Variants in SORCS1 observed in about 807,000 individuals in gnomAD.
SORCS1 encodes the protein sortilin related VPS10 domain containing receptor 1, also known as VPS10 domain-containing receptor SorCS1.
In SORCS1, 60 loss-of-function variants were observed where a neutral mutation model predicts 146.1. The observed-to-expected ratio is 0.41, with a 90% CI of 0.33 to 0.51. The LOEUF is 0.51. SORCS1 is among the 20% of genes least tolerant of loss of function. SORCS1 has a pLI of 0.21. For synonymous variants in SORCS1, 637 were observed against 584.0 expected (o/e 1.09, Z -1.31); for missense variants, 1,352 against 1,487.6 (o/e 0.91, Z 1.50).
intron 23 of SORCS1, among the ~76,000 whole-genome samples, chr10:106,604,587 C>A (rs75436884): frequency 6.6e-6 from 1 of 152,182 alleles, no homozygotes; most frequent in South Asian, 2.1e-4. Context: ...TAGCTTGGTA[C>A]CTTACTTTCT....
intron 2 of SORCS1, among the ~76,000 whole-genome samples, chr10:106,860,068 C>A (rs1194813008): frequency 1.3e-5 from 2 of 152,180 alleles, no homozygotes; most frequent in Non-Finnish European, 2.9e-5. Context: ...AACTTCAGGG[C>A]TTCCAGCTGA....
intron 1 of SORCS1, among the ~76,000 whole-genome samples, chr10:107,073,110 T>C (rs1962580015): frequency 6.6e-6 from 1 of 152,238 alleles, no homozygotes; most frequent in African/African-American, 2.4e-5. Flanking sequence ...TTCAATTGCA[T>C]ACAGCACAGA....
At chr10:106,838,020 T>C (rs1430662888) in intron 2 of SORCS1, among the ~76,000 whole-genome samples, 1 of 152,214 alleles carries the variant, frequency 6.6e-6, no homozygotes, top group Non-Finnish European at 1.5e-5. Flanking sequence ...ACAGATGTCT[T>C]CCTAGCACTC....
intron 1 of SORCS1, among the ~76,000 whole-genome samples, chr10:107,051,290 T>C (rs1960091361): frequency 6.6e-6 from 1 of 152,102 alleles, no homozygotes; most frequent in Admixed American, 6.6e-5. Flanking sequence ...TTCAGATCTT[T>C]CCAAGGAGCT....
intron 20 of SORCS1, among the ~76,000 whole-genome samples, chr10:106,619,743 C>T (rs1239183018): frequency 3.3e-5 from 5 of 152,176 alleles, no homozygotes; most frequent in African/African-American, 1.2e-4. Flanking sequence ...CCAGCTGCAC[C>T]ACCCTCACTT....
chr10:106,973,894 C>T (rs1199169200), intron 1 of SORCS1, among the ~76,000 whole-genome samples: 2 of 152,144 alleles, frequency 1.3e-5, no homozygotes, highest in African/African-American at 4.8e-5. Flanking sequence ...AGGAAAGATA[C>T]CACTTGGCAG....
At chr10:106,789,878 C>T (rs148373519) in intron 3 of SORCS1, among the ~76,000 whole-genome samples, 100 of 152,320 alleles carry the variant, frequency 6.6e-4, no homozygotes, top group African/African-American at 2.2e-3. Flanking sequence ...CACAGTTCTG[C>T]GTGGCTGGGG....
chr10:106,821,074 A>C (rs1046345545), intron 3 of SORCS1, among the ~76,000 whole-genome samples: 2 of 152,216 alleles, frequency 1.3e-5, no homozygotes, highest in African/African-American at 4.8e-5. Context: ...TTGCGCAGAT[A>C]GTCTATTATG....
At chr10:107,172,859 C>A in the SORCS1 span, among the ~76,000 whole-genome samples, 2 of 152,146 alleles carry the variant, frequency 1.3e-5, no homozygotes, top group Non-Finnish European at 2.9e-5. Flanking sequence ...TGTTTTCTAA[C>A]CTATTGCTAT....
intron 24 of SORCS1, among the ~76,000 whole-genome samples, chr10:106,581,457 A>G (rs1844908141): frequency 6.6e-6 from 1 of 152,202 alleles, no homozygotes. Flanking sequence ...CAAATTAACA[A>G]GGAGCACAAG....
intron 3 of SORCS1, among the ~76,000 whole-genome samples, chr10:106,801,875 G>C (rs1308421321): frequency 6.6e-6 from 1 of 152,140 alleles, no homozygotes; most frequent in East Asian, 1.9e-4. Flanking sequence ...GCACAAAAAA[G>C]TTTCATGACT....
chr10:106,607,192 T>G lies in SORCS1; in HGVS notation c.3139A>C (p.Lys1047Gln), dbSNP rs144896133. The G allele has an allele frequency of 3.8e-5, 62 of 1,614,006 alleles. No individual in the cohort carries two copies. Among genetic ancestry groups the G allele is most frequent in the African/African-American group, 6.7e-5 (5 of 74,932 alleles). The part of the protein sequence containing the change: ...LPYQDPAGEN[K>Q]RSTDDLEQIS... ...TGCTCCAGGTCATCAGTTGACCTTT[T>G]GTTTTCTCCAGCTGGATCCTGATAG... The change falls in exon 23 of 26, where the codon AAA (lysine) becomes CAA (glutamine). Residue 1047 changes from lysine to glutamine, a missense_variant. Coordinates refer to ENST00000263054, the MANE Select transcript of SORCS1 (RefSeq NM_052918.5).
At chr10:106,720,569 T>TA (rs1855712189) in intron 6 of SORCS1, among the ~76,000 whole-genome samples, 1 of 151,412 alleles carries the variant, frequency 6.6e-6, no homozygotes, top group Non-Finnish European at 1.5e-5. Context: ...ACTTTTTTTT[T>TA]AAGTACGATG....
intron 1 of SORCS1, among the ~76,000 whole-genome samples, chr10:107,064,628 A>T (rs1237323711): frequency 6.6e-6 from 1 of 152,144 alleles, no homozygotes; most frequent in Non-Finnish European, 1.5e-5. Flanking sequence ...ATTTTTGAAC[A>T]TCTATCCAGA....
chr10:106,670,995 A>T (rs969434441), intron 16 of SORCS1, among the ~76,000 whole-genome samples: 4 of 152,126 alleles, frequency 2.6e-5, no homozygotes. Context: ...TGCCCGGCCA[A>T]ATCTGCCGGT....
rs373734109 is a variant in SORCS1 at position 106,907,655 on chromosome 10, G to A, written c.626+48858C>T. Among the ~76,000 whole-genome samples the A allele has an allele frequency of 1.4e-4, 21 of 152,108 alleles. No homozygotes were observed. The South Asian group carries it at 2.5e-3, about 18-fold the overall frequency. On this transcript the variant is annotated intron_variant, in intron 2 of 25. Transcript: ENST00000263054. ...AAAAAATTATGTCACGGTTAGGTGCGGTGGCTCACACCTGTAATCCCAACA... is the reference window on the plus strand; with the variant it reads ...AAAAAATTATGTCACGGTTAGGTGCAGTGGCTCACACCTGTAATCCCAACA...
intron 1 of SORCS1, among the ~76,000 whole-genome samples, chr10:107,022,502 T>G (rs988986571): frequency 6.6e-6 from 1 of 152,036 alleles, no homozygotes; most frequent in African/African-American, 2.4e-5. Flanking sequence ...AAGAGATCCT[T>G]AAGGCAAGCT....
At chr10:106,626,881 T>C (rs1002362329) in intron 19 of SORCS1, among the ~76,000 whole-genome samples, 6 of 152,232 alleles carry the variant, frequency 3.9e-5, no homozygotes, top group Non-Finnish European at 8.8e-5. Context: ...TTCCATTATA[T>C]GAGGCATGCT....
chr10:106,680,039 T>C (rs1163674547), intron 10 of SORCS1, among the ~76,000 whole-genome samples: 6 of 152,208 alleles, frequency 3.9e-5, no homozygotes, highest in South Asian at 2.1e-4. Context: ...TTCCATTAAT[T>C]ACCATAAAAA....
Sources: allele counts gnomAD v4.1 joint callset (sites outside exome capture counted in the v4.1 genomes callset), GRCh38; gene constraint gnomAD v4.1.1; transcripts MANE v1.5; gene names NCBI Gene and HGNC (gene_info 2026-07-23, HGNC 2026-07-21).